The following MMS22L variants were observed in gnomAD, a reference collection of about 807,000 sequenced individuals.
The protein encoded by MMS22L is MMS22 like, DNA repair protein.
MMS22L carries 74 observed loss-of-function variants against 159.1 expected under a neutral mutation model. The ratio of observed to expected loss-of-function variants is 0.47; its 90% confidence interval spans 0.39 to 0.56. The LOEUF is 0.56. Among genes scored for constraint, MMS22L ranks in the 20% least tolerant of loss-of-function variants. MMS22L has a pLI of 0.00. For synonymous variants in MMS22L, 517 were observed against 506.9 expected, an observed-to-expected ratio of 1.02 and a Z score of -0.27; for missense variants, 1,351 against 1,422.1, an observed-to-expected ratio of 0.95 and a Z score of 0.80.
intron 18 of MMS22L, among the ~76,000 whole-genome samples, chr6:97,177,181 A>G (rs541258541): frequency 6.6e-6 from 1 of 152,122 alleles, no homozygotes; most frequent in African/African-American, 2.4e-5. Context: ...TATTTTCATT[A>G]AAAAAATTAT....
At chr6:97,203,682 T>C (rs36033589) in intron 14 of MMS22L, among the ~76,000 whole-genome samples, 2 of 152,154 alleles carry the variant, frequency 1.3e-5, no homozygotes, top group Non-Finnish European at 2.9e-5. Context: ...ATTTCATAAA[T>C]TCCACTCCTT....
At position 97,283,194 on chromosome 6, in the gene MMS22L, C is replaced by A. The variant is rs930873341; in HGVS notation, c.-175G>T. The A allele has an allele frequency of 1.3e-5, 2 of 152,414 alleles. No homozygotes were observed. Among genetic ancestry groups the A allele is most frequent in the Middle Eastern group, 3.4e-3 (1 of 294 alleles). The allele number at this position is 152,414 out of a possible 1,614,324, so 9.4% of individuals were successfully genotyped here. ...CCGCAAACAGGCGAAATTCCCGCCACCGCGCGCCCGCGCTCCGGAAAGGCG... is the reference window on the plus strand; with the variant it reads ...CCGCAAACAGGCGAAATTCCCGCCAACGCGCGCCCGCGCTCCGGAAAGGCG... On this transcript the variant is annotated 5_prime_UTR_variant, in exon 1 of 25. Coordinates refer to ENST00000683635, the MANE Select transcript of MMS22L (RefSeq NM_001350599.2).
intron 14 of MMS22L, among the ~76,000 whole-genome samples, chr6:97,218,878 T>C (rs1367532857): frequency 1.3e-5 from 2 of 152,178 alleles, no homozygotes; most frequent in Non-Finnish European, 2.9e-5. Context: ...CTGAATTGAA[T>C]TTTTTATTTT....
chr6:97,219,384 T>A (rs1261213222), intron 14 of MMS22L, among the ~76,000 whole-genome samples: 1 of 152,198 alleles, frequency 6.6e-6, no homozygotes, highest in Non-Finnish European at 1.5e-5. Context: ...TCAAAGTCAG[T>A]GCTATCCCTT....
At chr6:97,176,276 C>CAG (rs1582471263) in intron 18 of MMS22L, among the ~76,000 whole-genome samples, 2 of 151,904 alleles carry the variant, frequency 1.3e-5, no homozygotes, top group East Asian at 3.9e-4. Flanking sequence ...TCAGTAATTC[C>CAG]CAGGGGTCTA....
intron 22 of MMS22L, among the ~76,000 whole-genome samples, 166 bp downstream of exon 22, chr6:97,161,836 T>C (rs924251169): frequency 6.6e-6 from 1 of 152,160 alleles, no homozygotes; most frequent in East Asian, 1.9e-4. Context: ...CATTTTATCA[T>C]ACCTAATCTG....
intron 14 of MMS22L, among the ~76,000 whole-genome samples, chr6:97,191,970 G>C (rs996188496): frequency 2.0e-5 from 3 of 152,178 alleles, no homozygotes; most frequent in Admixed American, 1.3e-4. Flanking sequence ...GGTATGAAGA[G>C]ACTTTTACAA....
intron 14 of MMS22L, among the ~76,000 whole-genome samples, chr6:97,216,897 T>TA (rs1279380308): frequency 6.6e-6 from 1 of 152,152 alleles, no homozygotes; most frequent in Non-Finnish European, 1.5e-5. Context: ...TAAAGAAAAA[T>TA]AATCATGGCA....
chr6:97,159,493 TA>T (rs1184214053), intron 22 of MMS22L, among the ~76,000 whole-genome samples: 4 of 152,046 alleles, frequency 2.6e-5, no homozygotes, highest in African/African-American at 4.8e-5. Flanking sequence ...CTACAAATGT[TA>T]AAACTTAAAA....
At chr6:97,252,684 TA>T (rs541942867) in intron 10 of MMS22L, among the ~76,000 whole-genome samples, 33 of 151,650 alleles carry the variant, frequency 2.2e-4, no homozygotes, top group Admixed American at 1.9e-3. Flanking sequence ...ATTTCATGTG[TA>T]TTCTCTGATA....
Position 97,272,879 on chromosome 6 carries a change from T to C in MMS22L, c.431A>G (p.Tyr144Cys), listed in dbSNP as rs202076520. The C allele has an allele frequency of 3.3e-5, 53 of 1,609,712 alleles. No homozygotes were observed. Among genetic ancestry groups the C allele is most frequent in the Non-Finnish European group, 4.2e-5 (49 of 1,179,020 alleles). The change falls in exon 6 of 25, where the codon TAT (tyrosine) becomes TGT (cysteine). Residue 144 changes from tyrosine (Y) to cysteine (C), a missense_variant and splice_region_variant. Tyr to Cys is a radical substitution (Grantham distance 194). Transcript: ENST00000683635. ...ACTCTCAGCATTCTGTACTTTCAGATACCTAAAAAATAATTAGATAAAATA... is the reference window on the plus strand; with the variant it reads ...ACTCTCAGCATTCTGTACTTTCAGACACCTAAAAAATAATTAGATAAAATA... Reference protein sequence around the residue: ...LHYVKVFIFRYLKVQNAESHV... With the variant: ...LHYVKVFIFRCLKVQNAESHV...
At chr6:97,154,693 T>C (rs1456669446) in intron 22 of MMS22L, among the ~76,000 whole-genome samples, 1 of 152,208 alleles carries the variant, frequency 6.6e-6, no homozygotes, top group African/African-American at 2.4e-5. Flanking sequence ...CAAAATTTGT[T>C]GAAAAGACTA....
rs2388033 is a variant in MMS22L, at chr6:97,279,002, A to C, written c.291-104T>G. ...AATTACACAGCTTCAATACCTCTTTAATTTGGGGATGATGATTAATACCTT... is the reference window on the plus strand; with the variant it reads ...AATTACACAGCTTCAATACCTCTTTCATTTGGGGATGATGATTAATACCTT... On this transcript the variant is annotated intron_variant, in intron 3 of 24. Coordinates refer to ENST00000683635, the MANE Select transcript of MMS22L (RefSeq NM_001350599.2). 7.3e-6 allele frequency: 6 copies of C among 823,476 alleles called. No individual in the cohort carries two copies. The South Asian group carries it at 9.1e-5, about 12-fold the overall frequency. 51.0% of individuals were successfully genotyped at this position (823,476 alleles called of 1,614,324 possible). A position where few individuals can be genotyped will look rare whatever the true frequency, so the allele number is the denominator to read the frequency against.
intron 17 of MMS22L, 87 bp from the exon 18 acceptor site, chr6:97,178,672 T>G: frequency 1.6e-6 from 1 of 615,016 alleles, no homozygotes. Flanking sequence ...ATAATGTATA[T>G]ATGAGAAGTA....
intron 16 of MMS22L, among the ~76,000 whole-genome samples, chr6:97,179,922 T>C (rs569427366): frequency 6.6e-6 from 1 of 152,324 alleles, no homozygotes; most frequent in East Asian, 1.9e-4. Flanking sequence ...AAGTGGCAAG[T>C]AGAATAAATA....
At chr6:97,180,193 C>A (rs920363988) in intron 16 of MMS22L, among the ~76,000 whole-genome samples, 1 of 152,062 alleles carries the variant, frequency 6.6e-6, no homozygotes, top group African/African-American at 2.4e-5. Flanking sequence ...GCTCTGCCTC[C>A]CGGGTTCACG....
chr6:97,261,991 AAC>A (rs1814529839), intron 9 of MMS22L: 1 of 152,176 alleles, frequency 6.6e-6, no homozygotes, highest in Non-Finnish European at 1.5e-5. Context: ...TACAACAAAA[AAC>A]ACACAGACGC....
At chr6:97,182,347 T>A (rs1804801549) in intron 15 of MMS22L, among the ~76,000 whole-genome samples, 2 of 152,174 alleles carry the variant, frequency 1.3e-5, no homozygotes, top group Non-Finnish European at 2.9e-5. Context: ...GCCTGAGGTT[T>A]TGGCTAATGT....
intron 7 of MMS22L, 96 bp from the exon 8 acceptor site, chr6:97,268,098 C>T (rs1486094505): frequency 6.8e-6 from 6 of 879,548 alleles, no homozygotes; most frequent in Non-Finnish European, 9.4e-6. Flanking sequence ...AAAACTAAAA[C>T]ATACAGTTTT....
Sources: allele counts gnomAD v4.1 joint callset (sites outside exome capture counted in the v4.1 genomes callset), GRCh38; gene constraint gnomAD v4.1.1; transcripts MANE v1.5; gene names NCBI Gene and HGNC (gene_info 2026-07-23, HGNC 2026-07-21).